Variants in CAMTA1 observed in about 807,000 individuals in gnomAD.
CAMTA1 encodes the protein calmodulin-binding transcription activator 1.
CAMTA1 carries 27 observed loss-of-function variants against 170.9 expected under a neutral mutation model. The observed-to-expected ratio is 0.16, with a 90% CI of 0.12 to 0.22. CAMTA1 has a LOEUF of 0.22. CAMTA1 is among the 10% of genes least tolerant of loss of function. CAMTA1 has a pLI of 1.00. For missense variants in CAMTA1, 1,619 were observed against 2,217.2 expected, an observed-to-expected ratio of 0.73 and a Z score of 5.42; for synonymous variants, 833 against 891.5, an observed-to-expected ratio of 0.93 and a Z score of 1.17.
At chr1:6,956,100 CCT>C (rs752450978) in intron 3 of CAMTA1, among the ~76,000 whole-genome samples, 1 of 152,190 alleles carries the variant, frequency 6.6e-6, no homozygotes, top group Non-Finnish European at 1.5e-5. Flanking sequence ...CTCCCCAATC[CCT>C]GAGTCCAGAA....
At chr1:6,793,787 A>T (rs1569924153) in intron 1 of CAMTA1, among the ~76,000 whole-genome samples, 1 of 152,166 alleles carries the variant, frequency 6.6e-6, no homozygotes. Flanking sequence ...ATGGTGCTTG[A>T]TTTAGATTGC....
At chr1:6,978,508 CCTATAATCCCAG>C in intron 3 of CAMTA1, among the ~76,000 whole-genome samples, 1 of 152,130 alleles carries the variant, frequency 6.6e-6, no homozygotes, top group African/African-American at 2.4e-5. Context: ...GTGGCAGGTG[CCTATAATCCCAG>C]CTACTCGAGA....
chr1:7,745,020 C>G lies in CAMTA1; in HGVS notation c.4368C>G (p.Ile1456Met). 1 of 1,610,422 alleles carries G rather than the reference C, an allele frequency of 6.2e-7. No individual in the cohort carries two copies. The highest frequency in any genetic ancestry group is 8.5e-7 in the Non-Finnish European group (1 of 1,178,344). Residue 1456 changes from isoleucine to methionine, a missense_variant and splice_region_variant, in exon 17 of 23, where the codon ATC (isoleucine) becomes ATG (methionine). Transcript: ENST00000303635. Reference sequence around the variant, plus strand: ...ACTGCCTTCCCAGTGCTGCCCAGATCCGGTGAGTAAAGTTACGGAGGTCAC... The same window carrying G: ...ACTGCCTTCCCAGTGCTGCCCAGATGCGGTGAGTAAAGTTACGGAGGTCAC... ...DADCLPSAAQ[I>M]RSAYNEPLTP...
At chr1:7,209,025 G>C (rs189106825) in intron 4 of CAMTA1, among the ~76,000 whole-genome samples, 1 of 152,230 alleles carries the variant, frequency 6.6e-6, no homozygotes, top group African/African-American at 2.4e-5. Context: ...TACCGAAATA[G>C]CCTTTAACCA....
intron 6 of CAMTA1, among the ~76,000 whole-genome samples, chr1:7,499,732 G>T: frequency 8.2e-6 from 1 of 122,328 alleles, no homozygotes; most frequent in Non-Finnish European, 1.7e-5. Context: ...GTGTGTCCAT[G>T]AGTGAGTGTG....
intron 6 of CAMTA1, among the ~76,000 whole-genome samples, chr1:7,510,147 C>T (rs1218650205): frequency 7.4e-6 from 1 of 134,676 alleles, no homozygotes; most frequent in Non-Finnish European, 1.7e-5. Flanking sequence ...CGACGGCACT[C>T]GAGATAACAC....
intron 5 of CAMTA1, among the ~76,000 whole-genome samples, chr1:7,387,222 C>A (rs1038767988): frequency 1.3e-5 from 2 of 152,064 alleles, no homozygotes; most frequent in Non-Finnish European, 2.9e-5. Flanking sequence ...TCTCATTGAA[C>A]AGGCTTGGAC....
chr1:7,222,207 C>A (rs1326326898), intron 4 of CAMTA1, among the ~76,000 whole-genome samples: 5 of 152,148 alleles, frequency 3.3e-5, no homozygotes, highest in Non-Finnish European at 5.9e-5. Context: ...TTGAGAAAAC[C>A]CCATGAGCAT....
At chr1:7,677,506 G>A (rs189759241) in intron 10 of CAMTA1, 93 bp from the exon 11 acceptor site, 3 of 1,370,782 alleles carry the variant, frequency 2.2e-6, no homozygotes, top group Non-Finnish European at 3.0e-6. Context: ...CCAATGAAGG[G>A]TAGTGGGGAG....
At position 7,326,974 on chromosome 1, in the gene CAMTA1, G is replaced by A. The variant is rs74052676; in HGVS notation, c.438+77348G>A. Among the ~76,000 whole-genome samples the A allele has an allele frequency of 8.9e-3, 1,357 of 152,250 alleles. 18 individuals are homozygous for A. Among genetic ancestry groups the A allele is most frequent in the African/African-American group, 0.031 (1,293 of 41,530 alleles). The stretch of plus-strand genomic sequence containing the variant: ...CTGTGACAGCCAAGCGAACAAAAAA[G>A]GATGAAGAAGGAGGAGGTGATATGC... On this transcript the variant is annotated intron_variant, in intron 5 of 22. Coordinates refer to ENST00000303635, the MANE Select transcript of CAMTA1 (RefSeq NM_015215.4).
chr1:7,202,838 T>G (rs1375228475), intron 4 of CAMTA1, among the ~76,000 whole-genome samples: 2 of 152,222 alleles, frequency 1.3e-5, no homozygotes, highest in African/African-American at 2.4e-5. Flanking sequence ...ATAGTTTTAT[T>G]TCTTCCTTTC....
chr1:7,654,878 A>T (rs1396287583), intron 7 of CAMTA1, among the ~76,000 whole-genome samples: 5 of 143,452 alleles, frequency 3.5e-5, no homozygotes, highest in African/African-American at 5.4e-5. Flanking sequence ...ATACACACAC[A>T]TCTATACACA....
At chr1:6,846,691 A>G (rs1186665983) in intron 3 of CAMTA1, among the ~76,000 whole-genome samples, 2 of 152,208 alleles carry the variant, frequency 1.3e-5, no homozygotes, top group Non-Finnish European at 2.9e-5. Context: ...ACTAAACCAT[A>G]TTGACAGAAT....
intron 9 of CAMTA1, among the ~76,000 whole-genome samples, chr1:7,668,548 C>G (rs1395699824): frequency 1.3e-5 from 2 of 152,116 alleles, no homozygotes; most frequent in African/African-American, 4.8e-5. Context: ...TGCCCCCTCC[C>G]CACCCCCAAA....
chr1:6,886,927 G>A (rs1354935037), intron 3 of CAMTA1, among the ~76,000 whole-genome samples: 2 of 152,136 alleles, frequency 1.3e-5, no homozygotes, highest in African/African-American at 4.8e-5. Flanking sequence ...GATGCTAGTC[G>A]TTTTGTTCAT....
intron 4 of CAMTA1, among the ~76,000 whole-genome samples, chr1:7,185,624 A>AGAC (rs1356674683): frequency 1.3e-5 from 2 of 152,234 alleles, no homozygotes; most frequent in Non-Finnish European, 2.9e-5. Context: ...GAAATATAGC[A>AGAC]GACACTACCT....
intron 3 of CAMTA1, among the ~76,000 whole-genome samples, chr1:6,885,186 G>A (rs1472833105): frequency 6.6e-6 from 1 of 152,116 alleles, no homozygotes; most frequent in Non-Finnish European, 1.5e-5. Context: ...TGAATGGACT[G>A]GAATAAATCC....
chr1:7,249,503 C>T lies in CAMTA1; in HGVS notation c.315C>T (p.Gly105=). 10 of 1,613,704 alleles carry T rather than the reference C, an allele frequency of 6.2e-6. No homozygotes were observed. Among genetic ancestry groups the T allele is most frequent in the Non-Finnish European group, 8.5e-6 (10 of 1,179,800 alleles). Reference sequence around the variant, plus strand: ...TTGTTGTTTCCAGACCACAGAATGGCTCAATGATACTCTACAACAGGAAGA... The same window carrying T: ...TTGTTGTTTCCAGACCACAGAATGGTTCAATGATACTCTACAACAGGAAGA... ...TTSPKTRPQN[G]SMILYNRKKV... Residue 105 remains glycine, a synonymous_variant, in exon 5 of 23, where the codon GGC becomes GGT. Coordinates refer to ENST00000303635, the MANE Select transcript of CAMTA1 (RefSeq NM_015215.4). This position sits in a 1 kb window ranked among gnomAD's most constrained non-coding sequence, Gnocchi z 4.4.
chr1:6,925,602 G>A (rs1013185311), intron 3 of CAMTA1, among the ~76,000 whole-genome samples: 1 of 152,120 alleles, frequency 6.6e-6, no homozygotes, highest in Non-Finnish European at 1.5e-5. Flanking sequence ...AGCTGAGGGA[G>A]GGGTCTCTGC....
Sources: gnomAD v4.1 joint callset for allele counts (sites outside exome capture counted in the v4.1 genomes callset) on GRCh38, gnomAD v4.1.1 for gene constraint, Gnocchi (gnomAD v3.1) non-coding constraint, MANE v1.5 for transcripts, NCBI Gene and HGNC (gene_info 2026-07-23, HGNC 2026-07-21) for gene names.